Variants in LYRM4 observed in about 807,000 individuals in gnomAD.
LYRM4 encodes LYR motif containing 4, also known as LYR motif-containing protein 4.
Under a neutral mutation model 11.7 loss-of-function variants are expected in LYRM4, and 9 were observed. That is an observed-to-expected ratio of 0.77 (90% CI 0.46 to 1.34). The LOEUF (loss-of-function observed/expected upper bound fraction) is 1.34. LYRM4 is among the 40% of genes most tolerant of loss of function. The pLI is 0.00. For synonymous variants in LYRM4, 42 were observed against 40.4 expected (o/e 1.04, Z -0.15); for missense variants, 133 against 112.5 (o/e 1.18, Z -0.82).
intron 2 of LYRM4, among the ~76,000 whole-genome samples, chr6:5,111,924 C>A (rs915696819): frequency 1.3e-5 from 2 of 152,190 alleles, no homozygotes; most frequent in Non-Finnish European, 2.9e-5. Context: ...GGGCCCTCAA[C>A]AAAGCTGGCC....
chr6:5,119,814 A>C (rs1763332840), intron 2 of LYRM4, among the ~76,000 whole-genome samples: 3 of 151,346 alleles, frequency 2.0e-5, no homozygotes, highest in South Asian at 2.1e-4. Context: ...AAAAAAAAAA[A>C]AAAAAACAAC....
chr6:5,134,026 T>C (rs1764076641), intron 2 of LYRM4, among the ~76,000 whole-genome samples: 1 of 152,266 alleles, frequency 6.6e-6, no homozygotes, highest in Admixed American at 6.5e-5. Context: ...ATTTGGGTTG[T>C]TTCCATCTTT....
chr6:5,212,293 G>A (rs968586717), intron 2 of LYRM4, among the ~76,000 whole-genome samples: 7 of 152,252 alleles, frequency 4.6e-5, no homozygotes, highest in Non-Finnish European at 1.0e-4. Flanking sequence ...GTCCAGAGGA[G>A]TATCTTTATT....
At chr6:5,100,029 C>T (rs1358872236), downstream of LYRM4, among the ~76,000 whole-genome samples, 9 of 152,206 alleles carry the variant, frequency 5.9e-5, no homozygotes, top group Admixed American at 5.9e-4. Context: ...AGGCCAGTGT[C>T]CCTCTCTTTA....
intron 1 of LYRM4, among the ~76,000 whole-genome samples, chr6:5,232,401 G>A (rs1187791648): frequency 6.6e-6 from 1 of 152,242 alleles, no homozygotes; most frequent in Non-Finnish European, 1.5e-5. Flanking sequence ...CACTTACAGA[G>A]AGCATGCCTG....
chr6:5,203,338 A>T (rs186566259), intron 2 of LYRM4, among the ~76,000 whole-genome samples: 1 of 152,342 alleles, frequency 6.6e-6, no homozygotes, highest in East Asian at 1.9e-4. Context: ...CTGTCTGTAT[A>T]CAGTAGTCTG....
chr6:5,085,423 G>T, the LYRM4 span: 1 of 1,226,284 alleles, frequency 8.2e-7, no homozygotes, highest in East Asian at 2.6e-5. Context: ...ACGGCCCGAG[G>T]AGTTAGTTAA....
At chr6:5,122,134 G>A (rs1763484987) in intron 2 of LYRM4, among the ~76,000 whole-genome samples, 2 of 152,158 alleles carry the variant, frequency 1.3e-5, no homozygotes, top group Non-Finnish European at 2.9e-5. Flanking sequence ...TCCCGAGTCT[G>A]CTCACCCATC....
the LYRM4 span, chr6:5,032,970 C>T: frequency 1.6e-3 from 242 of 152,828 alleles, 2 homozygotes; most frequent in Non-Finnish European, 1.8e-3. Flanking sequence ...GTGGGAATTC[C>T]GCAGGCTTTA....
intron 2 of LYRM4, among the ~76,000 whole-genome samples, chr6:5,119,466 CTTG>C (rs1318072335): frequency 3.3e-5 from 5 of 152,042 alleles, no homozygotes; most frequent in Admixed American, 6.6e-5. Context: ...GCTGCACCGG[CTTG>C]TTGTCTTTCT....
At chr6:5,117,612 A>G (rs976595090) in intron 2 of LYRM4, among the ~76,000 whole-genome samples, 9 of 152,120 alleles carry the variant, frequency 5.9e-5, no homozygotes, top group Admixed American at 5.9e-4. Context: ...TGTAGCCAGA[A>G]TATTTCTTGG....
chr6:5,041,657 T>C, the LYRM4 span, among the ~76,000 whole-genome samples: 6 of 152,234 alleles, frequency 3.9e-5, no homozygotes, highest in Non-Finnish European at 8.8e-5. Flanking sequence ...AGAAACACTT[T>C]AGAGATATCT....
At chr6:5,120,624 CTGCTGATTGGTCCAGTTTACAGAG>C (rs1763405642) in intron 2 of LYRM4, among the ~76,000 whole-genome samples, 1 of 152,136 alleles carries the variant, frequency 6.6e-6, no homozygotes, top group African/African-American at 2.4e-5. Flanking sequence ...TGCCCATGTC[CTGCTGATTGGTCCAGTTTACAGAG>C]TGCTGATTGG....
chr6:5,137,796 C>T lies in LYRM4; in HGVS notation c.208-28305G>A, dbSNP rs950872719. On this transcript the variant is annotated intron_variant, in intron 2 of 2. Transcript: ENST00000330636. Reference sequence around the variant, plus strand: ...CTTTTGTAGACATCTCCACTCAGGTCACACACTGGAGTAAGAGTTGACAGG... The same window carrying T: ...CTTTTGTAGACATCTCCACTCAGGTTACACACTGGAGTAAGAGTTGACAGG... Among the ~76,000 whole-genome samples the T allele has an allele frequency of 2.6e-5, 4 of 152,204 alleles. No individual in the cohort carries two copies. In the South Asian group the frequency reaches 8.3e-4, roughly 32 times the overall value.
chr6:5,101,971 T>TTTTTTTTTTTTTTTTTTTTTTTTG (rs1762517738), downstream of LYRM4, among the ~76,000 whole-genome samples: 1 of 134,342 alleles, frequency 7.4e-6, no homozygotes, highest in Non-Finnish European at 1.6e-5. Flanking sequence ...ATGCTTTCTT[T>TTTTTTTTTTTTTTTTTTTTTTTTG]TTTTTTTTTT....
intron 1 of LYRM4, among the ~76,000 whole-genome samples, chr6:5,256,491 GA>G (rs1161084364): frequency 1.1e-3 from 49 of 43,868 alleles, no homozygotes; most frequent in Non-Finnish European, 1.2e-3. Flanking sequence ...ATTTCAACTG[GA>G]AAAAAAAAAA....
intron 1 of LYRM4, 138 bp downstream of exon 1, chr6:5,260,510 G>A: frequency 1.7e-6 from 2 of 1,189,854 alleles, no homozygotes; most frequent in Non-Finnish European, 1.2e-6. Flanking sequence ...CTTTTCGATG[G>A]CGGAGCCCGG....
intron 1 of LYRM4, among the ~76,000 whole-genome samples, chr6:5,254,900 AG>A (rs983471283): frequency 3.3e-5 from 5 of 152,100 alleles, no homozygotes; most frequent in African/African-American, 1.2e-4. Flanking sequence ...TGGGAGGTGG[AG>A]GGGGTATCTC....
At chr6:5,106,381 A>G (rs1391550989), downstream of LYRM4, 2 of 152,170 alleles carry the variant, frequency 1.3e-5, no homozygotes, top group African/African-American at 4.8e-5. Flanking sequence ...ACACCTGAAG[A>G]TTTGAGGGTT....
Sources: gnomAD v4.1 joint callset for allele counts (sites outside exome capture counted in the v4.1 genomes callset) on GRCh38, gnomAD v4.1.1 for gene constraint, MANE v1.5 for transcripts, NCBI Gene and HGNC (gene_info 2026-07-23, HGNC 2026-07-21) for gene names.